Variants in NCAPD3 observed in about 807,000 individuals in gnomAD.
NCAPD3 encodes condensin-2 complex subunit D3.
Under a neutral mutation model 182.9 loss-of-function variants are expected in NCAPD3, and 105 were observed. That is an observed-to-expected ratio of 0.57 (90% confidence interval 0.49 to 0.68). The LOEUF is 0.68. Ranked by LOEUF, NCAPD3 falls within the 30% of genes least tolerant of loss-of-function variation. The probability of loss-of-function intolerance (pLI) is 0.00; values close to 1 mark genes in which losing one functional copy is unlikely to be tolerated. For synonymous variants in NCAPD3, 815 were observed against 679.9 expected, an observed-to-expected ratio of 1.20 and a Z score of -3.09; for missense variants, 1,944 against 1,837.0, an observed-to-expected ratio of 1.06 and a Z score of -1.07.
At chr11:134,197,578 C>T (rs1253435890) in intron 13 of NCAPD3, among the ~76,000 whole-genome samples, 1 of 152,108 alleles carries the variant, frequency 6.6e-6, no homozygotes, top group Non-Finnish European at 1.5e-5. Context: ...CGCCTGGCCA[C>T]GTATTTCTTT....
Position 134,181,064 on chromosome 11 carries a change from A to G in NCAPD3, c.2559+13T>C. Reference sequence around the variant, plus strand: ...GGAAGCGAAAAGAATGGTTAGGAAAAGCAGTCGCTTACCAACAGGTCTTCG... The same window carrying G: ...GGAAGCGAAAAGAATGGTTAGGAAAGGCAGTCGCTTACCAACAGGTCTTCG... On this transcript the variant is annotated intron_variant, in intron 20 of 34. Transcript: ENST00000534548. 1 of 1,586,944 alleles carries G rather than the reference A, an allele frequency of 6.3e-7. No homozygotes were observed. The highest frequency in any genetic ancestry group is 1.1e-5 in the South Asian group (1 of 90,406).
At chr11:134,209,042 C>T (rs1212059409) in intron 6 of NCAPD3, 91 bp from the exon 7 acceptor site, 1 of 1,452,486 alleles carries the variant, frequency 6.9e-7, no homozygotes, top group African/African-American at 1.4e-5. Flanking sequence ...TGAATAAATT[C>T]TACCTGTGTG....
chr11:134,220,820 T>G, intron 1 of NCAPD3, 94 bp from the exon 2 acceptor site: 1 of 1,207,224 alleles, frequency 8.3e-7, no homozygotes, highest in Non-Finnish European at 1.2e-6. Context: ...AGGAGAAAAG[T>G]TTACTAGTCA....
At chr11:134,175,951 T>C (rs1395127813) in intron 24 of NCAPD3, among the ~76,000 whole-genome samples, 2 of 152,138 alleles carry the variant, frequency 1.3e-5, no homozygotes, top group Non-Finnish European at 2.9e-5. Context: ...TTAACTTTTT[T>C]TTTTTTTTGC....
intron 2 of NCAPD3, among the ~76,000 whole-genome samples, 175 bp from the exon 3 acceptor site, chr11:134,217,273 G>A (rs952854395): frequency 6.6e-6 from 1 of 151,530 alleles, no homozygotes; most frequent in Non-Finnish European, 1.5e-5. Flanking sequence ...CAAAATTAAA[G>A]GTATATTATT....
At chr11:134,153,261 TCA>T (rs1220554674) in intron 33 of NCAPD3, 26 bp downstream of exon 33, 16 of 1,613,844 alleles carry the variant, frequency 9.9e-6, no homozygotes, top group Non-Finnish European at 1.3e-5. Flanking sequence ...AGTGCATCTA[TCA>T]GCCCAGAAGG....
intron 8 of NCAPD3, among the ~76,000 whole-genome samples, chr11:134,206,328 G>A (rs946699356): frequency 1.3e-5 from 2 of 152,232 alleles, no homozygotes; most frequent in Admixed American, 6.5e-5. Flanking sequence ...CTCTCTCTGA[G>A]GCTGACCCAC....
intron 7 of NCAPD3, among the ~76,000 whole-genome samples, 198 bp downstream of exon 7, chr11:134,208,666 C>T (rs988674179): frequency 6.6e-6 from 1 of 152,068 alleles, no homozygotes; most frequent in African/African-American, 2.4e-5. Flanking sequence ...ACCAAGTATT[C>T]AGATATAAAG....
Position 134,204,230 on chromosome 11 carries a change from T to C in NCAPD3, c.1090-59A>G, listed in dbSNP as rs1156602130. 1.4e-5 allele frequency: 22 copies of C among 1,573,398 alleles called. No homozygotes were observed. In the East Asian group the frequency reaches 2.9e-4, roughly 21 times the overall value. On this transcript the variant is annotated intron_variant, in intron 9 of 34. Coordinates refer to ENST00000534548, the MANE Select transcript of NCAPD3 (RefSeq NM_015261.3). This position sits in a 1 kb window ranked among gnomAD's most constrained non-coding sequence, Gnocchi z 4.3. ...ATCCACCCGCAGGATGGCTGAAACATATTCTGTAATATAAGTTGAAAGTCA... is the reference window on the plus strand; with the variant it reads ...ATCCACCCGCAGGATGGCTGAAACACATTCTGTAATATAAGTTGAAAGTCA...
At position 134,210,310 on chromosome 11, in the gene NCAPD3, T is replaced by G. The variant is rs1308043184; in HGVS notation, c.527A>C (p.His176Pro). ...CCTGGGTGGCTTTCCCCTTTTTCTA[T>G]GCCTCCCGGGGTTAGCCTGAGAGCT... ...PKSSQANPGR[H>P]RKRGKPPRRE... is the part of the protein sequence containing the mutation. Residue 176 changes from histidine to proline, a missense_variant, in exon 4 of 35, where the codon CAT becomes CCT. By Grantham distance (77) the His-to-Pro change is moderately conservative (BLOSUM62 -2). Coordinates refer to ENST00000534548, the MANE Select transcript of NCAPD3 (RefSeq NM_015261.3). 1 of 1,614,016 alleles carries G rather than the reference T, an allele frequency of 6.2e-7. No homozygotes were observed. Among genetic ancestry groups the G allele is most frequent in the Non-Finnish European group, 8.5e-7 (1 of 1,180,000 alleles).
intron 32 of NCAPD3, among the ~76,000 whole-genome samples, chr11:134,155,522 G>C (rs1943395545): frequency 2.0e-5 from 3 of 152,182 alleles, no homozygotes; most frequent in Admixed American, 2.0e-4. Flanking sequence ...CCGGGCGCCT[G>C]ATTTCCAGCA....
intron 32 of NCAPD3, chr11:134,153,616 C>T: frequency 1.8e-6 from 1 of 546,610 alleles, no homozygotes; most frequent in South Asian, 2.1e-5. Context: ...CCTCACTGTT[C>T]ACGCCTCTGG....
Position 134,206,598 on chromosome 11 carries a change from C to T in NCAPD3, c.1016+1G>A. 6.2e-7 allele frequency: 1 copy of T among 1,613,390 alleles called. No individual in the cohort carries two copies. Among genetic ancestry groups the T allele is most frequent in the South Asian group, 1.1e-5 (1 of 90,878 alleles). On this transcript the variant is annotated splice_donor_variant, in intron 8 of 34. Transcript: ENST00000534548. LOFTEE classifies it high-confidence loss of function. ...GAAAATTCACGATTTGTGTGCTTCA[C>T]CTGATAAACTGGACCGCCTGGTTTC... is the stretch of plus-strand genomic sequence containing the variant.
chr11:134,196,480 C>T (rs1944630348), intron 13 of NCAPD3, among the ~76,000 whole-genome samples: 2 of 151,602 alleles, frequency 1.3e-5, no homozygotes, highest in South Asian at 2.1e-4. Context: ...CCTATCTCTA[C>T]AAAAAATACA....
At position 134,151,935 on chromosome 11, in the gene NCAPD3, C is replaced by G. The variant is rs1377256608; in HGVS notation, c.*1009G>C. The stretch of plus-strand genomic sequence containing the variant: ...GTGCTGCGCCTCTCCGCCACCGAGC[C>G]CACCTGTGTTGCGGTTCCCACTTGG... On this transcript the variant is annotated 3_prime_UTR_variant, in exon 35 of 35. Coordinates refer to ENST00000534548, the MANE Select transcript of NCAPD3 (RefSeq NM_015261.3). 1 of 152,180 alleles carries G rather than the reference C, an allele frequency of 6.6e-6. No individual in the cohort carries two copies. Among genetic ancestry groups the G allele is most frequent in the Admixed American group, 6.5e-5 (1 of 15,284 alleles). The allele number at this position is 152,180 out of a possible 1,614,324, so 9.4% of individuals were successfully genotyped here.
At chr11:134,199,642 C>T (rs1442566620) in intron 13 of NCAPD3, among the ~76,000 whole-genome samples, 2 of 152,174 alleles carry the variant, frequency 1.3e-5, no homozygotes, top group Non-Finnish European at 2.9e-5. Flanking sequence ...TACTGTACTG[C>T]CAGCATTTTT....
chr11:134,216,568 G>A (rs1290004395), intron 3 of NCAPD3, among the ~76,000 whole-genome samples: 1 of 152,134 alleles, frequency 6.6e-6, no homozygotes, highest in Non-Finnish European at 1.5e-5. Context: ...CATCGGAGAG[G>A]TAAAAAGCAA....
At chr11:134,177,918 T>C (rs1235858622) in intron 22 of NCAPD3, 1 of 151,024 alleles carries the variant, frequency 6.6e-6, no homozygotes, top group Admixed American at 6.5e-5. Context: ...TTGTTCATAG[T>C]TGAAAAGGCT....
rs1050684950 is a variant in NCAPD3 at position 134,185,276 on chromosome 11, T to C, written c.2237+59A>G. 34 of 1,441,528 alleles carry C rather than the reference T, an allele frequency of 2.4e-5. No homozygotes were observed. In the African/African-American group the frequency reaches 4.6e-4, roughly 19 times the overall value. 89.3% of individuals were successfully genotyped at this position (1,441,528 alleles called of 1,614,324 possible). On this transcript the variant is annotated intron_variant, in intron 17 of 34. Transcript: ENST00000534548. ...ATGAAAAAGCTCACTTCCTTAAGTC[T>C]TGGGCTTTGTTTCTAAGACTCTTCA... is the stretch of plus-strand genomic sequence containing the variant.
Sources: gnomAD v4.1 joint callset for allele counts (sites outside exome capture counted in the v4.1 genomes callset) on GRCh38, gnomAD v4.1.1 for gene constraint, Gnocchi (gnomAD v3.1) non-coding constraint, MANE v1.5 for transcripts, NCBI Gene and HGNC (gene_info 2026-07-23, HGNC 2026-07-21) for gene names.